RGS7: variants seen among roughly 807,000 people sequenced by gnomAD.
The protein encoded by RGS7 is regulator of G protein signaling 7.
Under a neutral mutation model 81.1 loss-of-function variants are expected in RGS7, and 27 were observed. The observed-to-expected ratio is 0.33, with a 90% CI of 0.25 to 0.46. The LOEUF (loss-of-function observed/expected upper bound fraction) is 0.46. RGS7 is among the 20% of genes least tolerant of loss of function. The probability of loss-of-function intolerance (pLI) is 1.00; values close to 1 mark genes in which losing one functional copy is unlikely to be tolerated. For synonymous variants in RGS7, 208 were observed against 207.7 expected, an observed-to-expected ratio of 1.00 and a Z score of -0.01; for missense variants, 396 against 607.4, an observed-to-expected ratio of 0.65 and a Z score of 3.66.
intron 2 of RGS7, among the ~76,000 whole-genome samples, chr1:241,316,344 C>A (rs1242555294): frequency 6.6e-6 from 1 of 152,226 alleles, no homozygotes; most frequent in Non-Finnish European, 1.5e-5. Context: ...CCCTTCTCCT[C>A]TCCCTGGAGG....
chr1:240,912,143 T>G, intron 6 of RGS7, among the ~76,000 whole-genome samples: 1 of 103,372 alleles, frequency 9.7e-6, no homozygotes, highest in African/African-American at 3.7e-5. Flanking sequence ...ACAGCGAGAT[T>G]CTGTCTCAAA....
chr1:240,973,322 C>G (rs142781123), intron 4 of RGS7, among the ~76,000 whole-genome samples: 4,000 of 151,932 alleles, frequency 0.026, 166 homozygotes, highest in African/African-American at 0.091. Flanking sequence ...AGTTTGAGAC[C>G]AACTTGGCCA....
At chr1:241,214,636 G>C (rs763597274) in intron 2 of RGS7, among the ~76,000 whole-genome samples, 50 of 152,122 alleles carry the variant, frequency 3.3e-4, no homozygotes, top group Non-Finnish European at 6.5e-4. Context: ...ACAGATAAAA[G>C]TATATCAGAT....
intron 2 of RGS7, among the ~76,000 whole-genome samples, chr1:241,345,020 G>A (rs755700927): frequency 6.6e-5 from 10 of 152,236 alleles, no homozygotes; most frequent in Non-Finnish European, 1.2e-4. Flanking sequence ...AAAGAAAAAT[G>A]TGGTACATAC....
intron 3 of RGS7, among the ~76,000 whole-genome samples, chr1:241,089,092 T>TATATATATATATATATATATATAC (rs1335136344): frequency 3.2e-4 from 32 of 100,120 alleles, no homozygotes; most frequent in East Asian, 7.2e-4. Context: ...TATATATATA[T>TATATATATATATATATATATATAC]ATATACTGGC....
At chr1:241,127,745 T>A (rs568237432) in intron 2 of RGS7, among the ~76,000 whole-genome samples, 3 of 152,162 alleles carry the variant, frequency 2.0e-5, no homozygotes, top group East Asian at 3.9e-4. Context: ...TTGAAATTAA[T>A]AGAAGTAAAA....
At chr1:241,111,421 T>A (rs1204360852) in intron 2 of RGS7, among the ~76,000 whole-genome samples, 4 of 152,152 alleles carry the variant, frequency 2.6e-5, no homozygotes, top group Non-Finnish European at 5.9e-5. Context: ...GACCCAGTCA[T>A]TCTCATAGTT....
chr1:241,197,846 AG>A (rs60276118), intron 2 of RGS7, among the ~76,000 whole-genome samples: 28,074 of 147,316 alleles, frequency 0.19, 3,187 homozygotes, highest in Admixed American at 0.28. Context: ...AAAAAAAAAA[AG>A]ATTGCAAACT....
chr1:241,329,973 C>G (rs1198706573), intron 2 of RGS7, among the ~76,000 whole-genome samples: 1 of 151,926 alleles, frequency 6.6e-6, no homozygotes, highest in Non-Finnish European at 1.5e-5. Flanking sequence ...TGGAGTCTCG[C>G]TCTATCGCCC....
At chr1:241,278,875 T>C (rs1484230889) in intron 2 of RGS7, among the ~76,000 whole-genome samples, 1 of 152,174 alleles carries the variant, frequency 6.6e-6, no homozygotes, top group African/African-American at 2.4e-5. Flanking sequence ...ACCTTCTAGT[T>C]CCACTGAAAA....
chr1:240,807,960 G>T (rs537772919), intron 14 of RGS7, among the ~76,000 whole-genome samples: 49 of 150,628 alleles, frequency 3.3e-4, no homozygotes, highest in Non-Finnish European at 4.4e-4. Context: ...GCTTGAACCC[G>T]GAAAGTGGAG....
intron 2 of RGS7, among the ~76,000 whole-genome samples, chr1:241,183,397 G>A (rs556864098): frequency 3.9e-5 from 6 of 152,260 alleles, no homozygotes; most frequent in Admixed American, 1.3e-4. Context: ...AACCTTTCTG[G>A]CCTGGCCCAT....
At chr1:240,872,925 A>G (rs1188952533) in intron 6 of RGS7, among the ~76,000 whole-genome samples, 1 of 152,030 alleles carries the variant, frequency 6.6e-6, no homozygotes, top group African/African-American at 2.4e-5. Context: ...AAAAATACAA[A>G]AAAATTAGCC....
At chr1:240,896,075 T>C (rs944926782) in intron 6 of RGS7, among the ~76,000 whole-genome samples, 4 of 152,234 alleles carry the variant, frequency 2.6e-5, no homozygotes, top group Admixed American at 1.3e-4. Context: ...TTTGGCTGCA[T>C]AAATGTCTTC....
intron 2 of RGS7, among the ~76,000 whole-genome samples, chr1:241,345,574 T>C (rs2082844621): frequency 6.6e-6 from 1 of 152,196 alleles, no homozygotes; most frequent in African/African-American, 2.4e-5. Context: ...TATTTTTCTA[T>C]TATAAAAGTG....
chr1:240,793,611 A>ATATATTTTTTT, intron 18 of RGS7, among the ~76,000 whole-genome samples: 1 of 78,870 alleles, frequency 1.3e-5, no homozygotes, highest in African/African-American at 9.7e-5. Context: ...ATATATATAT[A>ATATATTTTTTT]TTTTTTTTTT....
intron 18 of RGS7, among the ~76,000 whole-genome samples, chr1:240,777,236 C>T (rs530121082): frequency 3.9e-5 from 6 of 151,936 alleles, no homozygotes; most frequent in African/African-American, 4.8e-5. Context: ...GGGCTGAGAT[C>T]GCGCCACTAC....
chr1:241,322,749 T>C (rs182139829), intron 2 of RGS7, among the ~76,000 whole-genome samples: 105 of 152,328 alleles, frequency 6.9e-4, no homozygotes, highest in Non-Finnish European at 1.4e-3. Flanking sequence ...AGATGTTAGT[T>C]TGGAAATACT....
At chr1:241,303,906 G>A (rs1442004669) in intron 2 of RGS7, among the ~76,000 whole-genome samples, 1 of 152,192 alleles carries the variant, frequency 6.6e-6, no homozygotes, top group Admixed American at 6.5e-5. Flanking sequence ...CTTCATAGGT[G>A]CAGGTGGTGC....
Sources: gnomAD v4.1 joint callset for allele counts (sites outside exome capture counted in the v4.1 genomes callset) on GRCh38, gnomAD v4.1.1 for gene constraint, MANE v1.5 for transcripts, NCBI Gene and HGNC (gene_info 2026-07-23, HGNC 2026-07-21) for gene names.